TGFB2: variants seen among roughly 807,000 people sequenced by gnomAD.
TGFB2 encodes the protein transforming growth factor beta-2 proprotein.
In TGFB2, 13 loss-of-function variants were observed where a neutral mutation model predicts 42.7. The ratio of observed to expected loss-of-function variants is 0.30; its 90% confidence interval spans 0.20 to 0.48. The LOEUF is 0.48. Ranked by LOEUF, TGFB2 falls within the 20% of genes least tolerant of loss-of-function variation. The pLI, the probability that TGFB2 is intolerant of heterozygous loss-of-function variation, is 0.99. For synonymous variants in TGFB2, 193 were observed against 193.6 expected (o/e 1.00, Z 0.03); for missense variants, 390 against 517.5 (o/e 0.75, Z 2.39).
chr1:218,360,499 A>C (rs776932113), intron 1 of TGFB2, among the ~76,000 whole-genome samples: 13 of 152,120 alleles, frequency 8.5e-5, no homozygotes, highest in East Asian at 3.9e-4. Flanking sequence ...AACAACACAC[A>C]CTGGGGTCTG....
In TGFB2 at chr1:218,401,100, G is replaced by C. The variant is rs116200335; in HGVS notation, c.347-4069G>C. 2.1e-3 allele frequency among the ~76,000 whole-genome samples: 327 copies of C among 152,160 alleles called. 1 individual carries two copies. Among genetic ancestry groups the C allele is most frequent in the African/African-American group, 7.4e-3 (309 of 41,552 alleles). On this transcript the variant is annotated intron_variant, in intron 1 of 6. Coordinates refer to ENST00000366930, the MANE Select transcript of TGFB2 (RefSeq NM_003238.6). Reference sequence around the variant, plus strand: ...AATTCAGGTATGAGACCTTTCTGAGGATGGAGACCCTGTGCCCCTGTGCTG... The same window carrying C: ...AATTCAGGTATGAGACCTTTCTGAGCATGGAGACCCTGTGCCCCTGTGCTG...
intron 2 of TGFB2, among the ~76,000 whole-genome samples, chr1:218,406,566 A>G (rs193280380): frequency 6.9e-6 from 1 of 145,794 alleles, no homozygotes; most frequent in Non-Finnish European, 1.6e-5. Context: ...ACTTAAATAC[A>G]TCCTGATGCC....
intron 2 of TGFB2, among the ~76,000 whole-genome samples, chr1:218,428,656 T>C (rs1409543800): frequency 6.6e-6 from 1 of 152,184 alleles, no homozygotes; most frequent in Non-Finnish European, 1.5e-5. Flanking sequence ...AGATGTGTGG[T>C]GTTATTTCTG....
intron 2 of TGFB2, among the ~76,000 whole-genome samples, chr1:218,412,564 T>C (rs186201733): frequency 7.9e-5 from 12 of 152,296 alleles, no homozygotes; most frequent in Non-Finnish European, 1.2e-4. Context: ...GTTTACCTTA[T>C]TGAGGCAGCA....
chr1:218,397,680 G>T (rs1160590209), intron 1 of TGFB2, among the ~76,000 whole-genome samples: 1 of 151,990 alleles, frequency 6.6e-6, no homozygotes, highest in Non-Finnish European at 1.5e-5. Flanking sequence ...CATAGGAATT[G>T]CTCAAGGAGT....
intron 2 of TGFB2, among the ~76,000 whole-genome samples, chr1:218,417,703 T>C (rs1571886378): frequency 6.6e-6 from 1 of 152,102 alleles, no homozygotes; most frequent in Non-Finnish European, 1.5e-5. Flanking sequence ...GAAAATGTGG[T>C]TTTGTGGGCC....
chr1:218,436,038 A>G lies in TGFB2; in HGVS notation c.823A>G (p.Ser275Gly), dbSNP rs139825195. The G allele has an allele frequency of 1.1e-4, 174 of 1,614,138 alleles. No individual in the cohort carries two copies. The African/African-American group carries it at 2.1e-3, about 19-fold the overall frequency. Reference protein sequence around the residue: ...KTIKSTRKKNSGKTPHLLLML... With the variant: ...KTIKSTRKKNGGKTPHLLLML... Reference sequence around the variant, plus strand: ...TATAAAGTCCACTAGGAAAAAAAACAGTGGGAAGACCCCACATCTCCTGCT... The same window carrying G: ...TATAAAGTCCACTAGGAAAAAAAACGGTGGGAAGACCCCACATCTCCTGCT... The change falls in exon 5 of 7, where the codon AGT becomes GGT. Residue 275 changes from serine to glycine, a missense_variant. Transcript: ENST00000366930.
At chr1:218,367,495 T>C (rs1657424207) in intron 1 of TGFB2, among the ~76,000 whole-genome samples, 1 of 152,244 alleles carries the variant, frequency 6.6e-6, no homozygotes, top group Admixed American at 6.5e-5. Context: ...GGTATTCTGA[T>C]GTTTTTGAAC....
At chr1:218,430,337 G>A (rs1659767699) in intron 2 of TGFB2, among the ~76,000 whole-genome samples, 1 of 151,948 alleles carries the variant, frequency 6.6e-6, no homozygotes, top group African/African-American at 2.4e-5. Flanking sequence ...GGAGGTTGCA[G>A]TGAGCCAAGA....
intron 2 of TGFB2, among the ~76,000 whole-genome samples, chr1:218,408,022 A>G (rs1658970465): frequency 6.6e-6 from 1 of 152,228 alleles, no homozygotes; most frequent in Non-Finnish European, 1.5e-5. Context: ...CTTTTTTACC[A>G]ATTAAATCAC....
intron 1 of TGFB2, among the ~76,000 whole-genome samples, chr1:218,359,218 A>G (rs1390654072): frequency 1.3e-5 from 2 of 152,012 alleles, no homozygotes; most frequent in Non-Finnish European, 2.9e-5. Context: ...AAACTTCACC[A>G]CCCTGGGTTT....
chr1:218,382,900 G>C (rs1385442578), intron 1 of TGFB2, among the ~76,000 whole-genome samples: 1 of 152,142 alleles, frequency 6.6e-6, no homozygotes, highest in Non-Finnish European at 1.5e-5. Context: ...TCAATTTTAA[G>C]CACTGGTGGT....
chr1:218,391,522 G>A (rs994506030), intron 1 of TGFB2, among the ~76,000 whole-genome samples: 7 of 152,136 alleles, frequency 4.6e-5, no homozygotes, highest in East Asian at 1.9e-4. Flanking sequence ...TAACATCAAC[G>A]ATTCTTCATT....
At chr1:218,350,451 A>T (rs1321017663) in intron 1 of TGFB2, among the ~76,000 whole-genome samples, 1 of 152,202 alleles carries the variant, frequency 6.6e-6, no homozygotes, top group Non-Finnish European at 1.5e-5. Context: ...GCAACCCCCC[A>T]TTCCCAACAT....
At chr1:218,419,333 T>A (rs1659381989) in intron 2 of TGFB2, among the ~76,000 whole-genome samples, 1 of 152,210 alleles carries the variant, frequency 6.6e-6, no homozygotes, top group Non-Finnish European at 1.5e-5. Flanking sequence ...GTTCTCTTTA[T>A]TTCTTTAGGT....
At chr1:218,432,396 C>T (rs1314909988) in intron 2 of TGFB2, among the ~76,000 whole-genome samples, 1 of 152,142 alleles carries the variant, frequency 6.6e-6, no homozygotes, top group African/African-American at 2.4e-5. Flanking sequence ...ACCACAGGGG[C>T]AGATCTGTAG....
chr1:218,383,386 G>T (rs1658026995), intron 1 of TGFB2, among the ~76,000 whole-genome samples: 1 of 152,180 alleles, frequency 6.6e-6, no homozygotes. Context: ...CCTTTTTAAT[G>T]TATAGTCTAT....
intron 1 of TGFB2, among the ~76,000 whole-genome samples, chr1:218,391,177 T>C (rs994508446): frequency 1.3e-5 from 2 of 152,218 alleles, no homozygotes; most frequent in African/African-American, 4.8e-5. Context: ...TGGGCTAAGG[T>C]GGGTTCCAGA....
At chr1:218,419,005 G>A (rs1659369172) in intron 2 of TGFB2, among the ~76,000 whole-genome samples, 1 of 152,114 alleles carries the variant, frequency 6.6e-6, no homozygotes, top group African/African-American at 2.4e-5. Context: ...CACCCCCTCA[G>A]CAGCTGTTTA....
Sources: allele counts gnomAD v4.1 joint callset (sites outside exome capture counted in the v4.1 genomes callset), GRCh38; gene constraint gnomAD v4.1.1; transcripts MANE v1.5; gene names NCBI Gene and HGNC (gene_info 2026-07-23, HGNC 2026-07-21).